RASGRP3: variants seen among roughly 807,000 people sequenced by gnomAD.
The protein encoded by RASGRP3 is RAS guanyl releasing protein 3, also known as ras guanyl-releasing protein 3.
Under a neutral mutation model 82.7 loss-of-function variants are expected in RASGRP3, and 54 were observed. The ratio of observed to expected loss-of-function variants is 0.65; its 90% CI spans 0.52 to 0.82. The LOEUF (loss-of-function observed/expected upper bound fraction) is 0.82. RASGRP3 is among the 40% of genes least tolerant of loss of function. The probability of loss-of-function intolerance (pLI) is 0.00; values close to 1 mark genes in which losing one functional copy is unlikely to be tolerated. For synonymous variants in RASGRP3, 309 were observed against 300.5 expected, an observed-to-expected ratio of 1.03 and a Z score of -0.29; for missense variants, 861 against 828.9, an observed-to-expected ratio of 1.04 and a Z score of -0.48.
At chr2:33,482,511 A>G (rs944867301) in intron 1 of RASGRP3, 1 of 152,220 alleles carries the variant, frequency 6.6e-6, no homozygotes, top group East Asian at 1.9e-4. Context: ...AACCATCGGC[A>G]TTCTTGAAAG....
At position 33,467,079 on chromosome 2, in the gene RASGRP3, T is replaced by TA. The variant is rs60642720; in HGVS notation, c.-261+19136_-261+19137insA. The stretch of plus-strand genomic sequence containing the variant: ...TAGTAACATACTAACTATATATATA[T>TA]TAATAAATTCTACTTGGTATTATAT... On this transcript the variant is annotated intron_variant, in intron 2 of 18. Transcript: ENST00000402538. 5.4e-3 allele frequency among the ~76,000 whole-genome samples: 821 copies of TA among 151,876 alleles called. 4 individuals are homozygous for TA. Among genetic ancestry groups the TA allele is most frequent in the African/African-American group, 0.019 (767 of 41,382 alleles).
chr2:33,470,654 TG>T (rs1328083042), intron 2 of RASGRP3, among the ~76,000 whole-genome samples: 2 of 152,056 alleles, frequency 1.3e-5, no homozygotes, highest in Admixed American at 6.6e-5. Flanking sequence ...GCTGGGATTA[TG>T]GGTGTGAGCC....
rs546361986 is a variant in RASGRP3 at position 33,564,516 on chromosome 2, G to A, written c.*1779G>A. ...AACAGCAAACAGCAATCTAAGTACA[G>A]AAAAGCTTTTTGTGTGTTTAAAAAA... On this transcript the variant is annotated 3_prime_UTR_variant, in exon 18 of 18. Coordinates refer to ENST00000403687, the MANE Select transcript of RASGRP3 (RefSeq NM_001139488.2). The A allele has an allele frequency of 2.2e-4, 34 of 152,260 alleles. No homozygotes were observed. Among genetic ancestry groups the A allele is most frequent in the African/African-American group, 7.0e-4 (29 of 41,544 alleles). 9.4% of individuals were successfully genotyped at this position (152,260 alleles called of 1,614,324 possible).
intron 2 of RASGRP3, among the ~76,000 whole-genome samples, chr2:33,469,110 G>C (rs62147152): frequency 0.098 from 14,917 of 152,118 alleles, 980 homozygotes; most frequent in Admixed American, 0.17. Context: ...TAGGGAAGCT[G>C]ACTTTTTCAT....
intron 2 of RASGRP3, among the ~76,000 whole-genome samples, chr2:33,450,510 A>G (rs1574228708): frequency 6.6e-6 from 1 of 152,194 alleles, no homozygotes; most frequent in East Asian, 1.9e-4. Flanking sequence ...TTCACTTAGC[A>G]TAATAGTCTC....
Position 33,562,897 on chromosome 2 carries a change from C to CAGAG in RASGRP3, c.*162_*165dup, listed in dbSNP as rs769127094. 3.8e-4 allele frequency: 343 copies of CAGAG among 905,880 alleles called. 1 individual carries two copies. The highest frequency in any genetic ancestry group is 9.7e-4 in the Admixed American group (32 of 33,154). The allele number at this position is 905,880 out of a possible 1,614,324, so 56.1% of individuals were successfully genotyped here. On this transcript the variant is annotated 3_prime_UTR_variant, in exon 18 of 18. Transcript: ENST00000403687. ...GGATCTCCATGTTTGGACTATGGGA[C>CAGAG]AGAGAATTGACCCTAACTAACTAAC...
intron 1 of RASGRP3, among the ~76,000 whole-genome samples, chr2:33,480,407 C>T (rs1365528529): frequency 6.6e-6 from 1 of 152,166 alleles, no homozygotes; most frequent in Non-Finnish European, 1.5e-5. Context: ...CTAAGCCCAA[C>T]TCAGTAGTAG....
intron 2 of RASGRP3, among the ~76,000 whole-genome samples, chr2:33,469,241 G>A (rs1458933876): frequency 6.6e-6 from 1 of 151,872 alleles, no homozygotes; most frequent in Admixed American, 6.6e-5. Context: ...TTTCACTTTT[G>A]AATCTCATTT....
intron 2 of RASGRP3, among the ~76,000 whole-genome samples, chr2:33,469,057 T>A (rs1298148675): frequency 6.6e-6 from 1 of 152,236 alleles, no homozygotes; most frequent in African/African-American, 2.4e-5. Flanking sequence ...AGTTTATAGA[T>A]AATAAATTGT....
chr2:33,451,557 T>A (rs930925885), intron 2 of RASGRP3, among the ~76,000 whole-genome samples: 1 of 152,202 alleles, frequency 6.6e-6, no homozygotes, highest in East Asian at 1.9e-4. Flanking sequence ...TAAGTTTAAG[T>A]TTTTAATCTA....
At chr2:33,512,230 T>G (rs1243950228) in intron 2 of RASGRP3, among the ~76,000 whole-genome samples, 1 of 152,218 alleles carries the variant, frequency 6.6e-6, no homozygotes, top group African/African-American at 2.4e-5. Flanking sequence ...AATATAACCC[T>G]AAACGTGGTG....
chr2:33,559,498 T>G, intron 17 of RASGRP3: 1 of 393,008 alleles, frequency 2.5e-6, no homozygotes, highest in Non-Finnish European at 5.1e-6. Context: ...AAGGGGGTGG[T>G]GAGAATCAGA....
chr2:33,562,683 G>GTT (rs1465894240), intron 17 of RASGRP3, 46 bp from the exon 18 acceptor site: 1 of 1,603,322 alleles, frequency 6.2e-7, no homozygotes, highest in Non-Finnish European at 8.5e-7. Flanking sequence ...CTCTTATTTT[G>GTT]TTATATGAGA....
intron 2 of RASGRP3, among the ~76,000 whole-genome samples, chr2:33,458,397 C>T (rs186470556): frequency 1.3e-5 from 2 of 152,000 alleles, no homozygotes; most frequent in African/African-American, 4.8e-5. Flanking sequence ...TGTTTTAGAG[C>T]GTGTTGGCTG....
chr2:33,548,178 G>A (rs922033984), intron 13 of RASGRP3, among the ~76,000 whole-genome samples: 4 of 151,892 alleles, frequency 2.6e-5, no homozygotes, highest in Non-Finnish European at 5.9e-5. Context: ...TGGCTAACAC[G>A]GTGAAACCCC....
At chr2:33,530,497 CTTTTTTT>C (rs746592952) in intron 10 of RASGRP3, among the ~76,000 whole-genome samples, 5 of 117,080 alleles carry the variant, frequency 4.3e-5, no homozygotes, top group East Asian at 2.3e-4. Flanking sequence ...CTGCCCCTTC[CTTTTTTT>C]TTTTTTTTTT....
chr2:33,516,558 G>A lies in RASGRP3; in HGVS notation c.87G>A (p.Leu29=), dbSNP rs760650785. Reference sequence around the variant, plus strand: ...TTCTAACAGATGACAATGGAGAGCTGGATAATAGTTATTTGCCAAGAATAG... The same window carrying A: ...TTCTAACAGATGACAATGGAGAGCTAGATAATAGTTATTTGCCAAGAATAG... ...CIEMFDDNGE[L]DNSYLPRIVL... The change falls in exon 4 of 18, where the codon CTG becomes CTA. Residue 29 remains leucine (L), a synonymous_variant. Coordinates refer to ENST00000403687, the MANE Select transcript of RASGRP3 (RefSeq NM_001139488.2). 6.3e-7 allele frequency: 1 copy of A among 1,574,806 alleles called. No individual in the cohort carries two copies. Among genetic ancestry groups the A allele is most frequent in the East Asian group, 2.3e-5 (1 of 44,422 alleles).
At chr2:33,461,658 A>T (rs906537014) in intron 2 of RASGRP3, among the ~76,000 whole-genome samples, 1 of 152,244 alleles carries the variant, frequency 6.6e-6, no homozygotes, top group Non-Finnish European at 1.5e-5. Flanking sequence ...ATCTTGTAGC[A>T]ATAATGTTAG....
At chr2:33,513,523 T>G (rs1356596828) in intron 2 of RASGRP3, among the ~76,000 whole-genome samples, 1 of 152,160 alleles carries the variant, frequency 6.6e-6, no homozygotes, top group Admixed American at 6.5e-5. Context: ...ATAAATAAAG[T>G]TCAAGAGTAA....
Sources: gnomAD v4.1 joint callset for allele counts (sites outside exome capture counted in the v4.1 genomes callset) on GRCh38, gnomAD v4.1.1 for gene constraint, MANE v1.5 for transcripts, NCBI Gene and HGNC (gene_info 2026-07-23, HGNC 2026-07-21) for gene names.